The following SLC35F4 variants were observed in gnomAD, a reference collection of about 807,000 sequenced individuals.
SLC35F4 encodes the protein chromosome 14 open reading frame 36.
In SLC35F4, 24 loss-of-function variants were observed where a neutral mutation model predicts 44.2. That is an observed-to-expected ratio of 0.54 (90% CI 0.39 to 0.76). SLC35F4 has a LOEUF of 0.76. Ranked by LOEUF, SLC35F4 falls within the 30% of genes least tolerant of loss-of-function variation. The pLI, the probability that SLC35F4 is intolerant of heterozygous loss-of-function variation, is 0.00. For missense variants in SLC35F4, 562 were observed against 586.1 expected (o/e 0.96, Z 0.42); for synonymous variants, 238 against 223.6 (o/e 1.06, Z -0.57).
chr14:57,740,498 T>C (rs1349029484), intron 1 of SLC35F4, among the ~76,000 whole-genome samples: 1 of 152,118 alleles, frequency 6.6e-6, no homozygotes, highest in Admixed American at 6.6e-5. Context: ...GCTGGGAAGG[T>C]TATGGGGGAG....
chr14:57,589,846 G>A (rs965772739), intron 2 of SLC35F4, among the ~76,000 whole-genome samples: 10 of 152,242 alleles, frequency 6.6e-5, no homozygotes, highest in Admixed American at 1.3e-4. Context: ...CATGCCCTGC[G>A]CTTTCTATTG....
At chr14:57,920,542 C>A (rs1424240763) in intron 1 of SLC35F4, among the ~76,000 whole-genome samples, 1 of 152,140 alleles carries the variant, frequency 6.6e-6, no homozygotes, top group Non-Finnish European at 1.5e-5. Flanking sequence ...GATTGCACTG[C>A]AGCCTGGGCA....
chr14:57,797,493 C>T (rs921935284), intron 1 of SLC35F4, among the ~76,000 whole-genome samples: 10 of 152,148 alleles, frequency 6.6e-5, no homozygotes, highest in Non-Finnish European at 1.0e-4. Context: ...ATTCTTCTGC[C>T]AGTCACCTCA....
chr14:57,714,615 T>A (rs1162253271), intron 1 of SLC35F4, among the ~76,000 whole-genome samples: 1 of 151,642 alleles, frequency 6.6e-6, no homozygotes, highest in Non-Finnish European at 1.5e-5. Context: ...CCTGCCTGAG[T>A]GCATTCACTC....
At chr14:57,822,541 C>CT (rs1224888619) in intron 1 of SLC35F4, among the ~76,000 whole-genome samples, 1 of 151,890 alleles carries the variant, frequency 6.6e-6, no homozygotes, top group Non-Finnish European at 1.5e-5. Flanking sequence ...TTATTTTCTC[C>CT]TTTTTTTTCA....
intron 1 of SLC35F4, among the ~76,000 whole-genome samples, chr14:57,880,041 GAA>G: frequency 1.0e-3 from 1 of 956 alleles, no homozygotes; most frequent in Admixed American, 0.013. Context: ...AGGGAGGAAG[GAA>G]GGAAGGAAGG....
At chr14:57,655,198 C>A (rs188296937) in intron 1 of SLC35F4, among the ~76,000 whole-genome samples, 3 of 152,000 alleles carry the variant, frequency 2.0e-5, no homozygotes, top group Admixed American at 2.0e-4. Flanking sequence ...TCAGTCCTTC[C>A]TTTTTTTAAA....
intron 1 of SLC35F4, among the ~76,000 whole-genome samples, chr14:57,698,408 C>T (rs1312742908): frequency 6.6e-6 from 1 of 152,094 alleles, no homozygotes; most frequent in Non-Finnish European, 1.5e-5. Context: ...TGCTTTTGCC[C>T]AAGTCCCCAG....
Position 57,564,121 on chromosome 14 carries a change from A to G in SLC35F4, c.*14T>C. On this transcript the variant is annotated 3_prime_UTR_variant, in exon 8 of 8. Coordinates refer to ENST00000556826, the MANE Select transcript of SLC35F4 (RefSeq NM_001306087.2). ...CAGAATATACATACACGTGCATTCAAAATATGTCCCTCTCTAAGCCAGTGG... is the reference window on the plus strand; with the variant it reads ...CAGAATATACATACACGTGCATTCAGAATATGTCCCTCTCTAAGCCAGTGG... The G allele has an allele frequency of 1.2e-6, 2 of 1,613,198 alleles. No homozygotes were observed. Among genetic ancestry groups the G allele is most frequent in the Non-Finnish European group, 1.7e-6 (2 of 1,179,390 alleles).
At position 57,573,247 on chromosome 14, in the gene SLC35F4, T is replaced by C. The variant is rs576225516; in HGVS notation, c.808-1228A>G. Among the ~76,000 whole-genome samples the C allele has an allele frequency of 6.6e-5, 10 of 152,316 alleles. No individual in the cohort carries two copies. In the South Asian group the frequency reaches 1.7e-3, roughly 25 times the overall value. On this transcript the variant is annotated intron_variant, in intron 4 of 7. Transcript: ENST00000556826. The stretch of plus-strand genomic sequence containing the variant: ...GACGCTGCTAAAGCATGTCTTTTGT[T>C]AGTGGCCACCAAAAGCAAGGGCCCA...
In SLC35F4 at chr14:57,569,949, T is replaced by C. The variant is rs749935746; in HGVS notation, c.965A>G (p.Asn322Ser). Residue 322 changes from asparagine (N) to serine (S), a missense_variant, in exon 6 of 8, where the codon AAC (asparagine) becomes AGC (serine). Physicochemically the swap from Asn to Ser is conservative, Grantham distance 46. Coordinates refer to ENST00000556826, the MANE Select transcript of SLC35F4 (RefSeq NM_001306087.2). ...GACAAAGTGTGCAGCTTCCCCAAAG[T>C]TGGCACTTCCAAGAAACATTTTAAA... is the stretch of plus-strand genomic sequence containing the variant. ...VLFKMFLGSA[N>S]FGEAAHFVST... 2 of 1,609,804 alleles carry C rather than the reference T, an allele frequency of 1.2e-6. No individual in the cohort carries two copies. Among genetic ancestry groups the C allele is most frequent in the South Asian group, 1.1e-5 (1 of 89,852 alleles).
At chr14:57,570,199 T>C (rs978216637) in intron 5 of SLC35F4, among the ~76,000 whole-genome samples, 6 of 152,198 alleles carry the variant, frequency 3.9e-5, no homozygotes, top group African/African-American at 1.2e-4. Context: ...GAATTTCTTA[T>C]GGTGCTGAAA....
chr14:57,871,118 G>A (rs1465077019), intron 1 of SLC35F4, among the ~76,000 whole-genome samples: 1 of 152,204 alleles, frequency 6.6e-6, no homozygotes, highest in African/African-American at 2.4e-5. Context: ...CCCATGGGAG[G>A]CAGGCCCATT....
At chr14:57,576,850 G>A (rs1292284499) in intron 4 of SLC35F4, among the ~76,000 whole-genome samples, 1 of 152,186 alleles carries the variant, frequency 6.6e-6, no homozygotes, top group Non-Finnish European at 1.5e-5. Flanking sequence ...CACGAAGAAA[G>A]AGTGAAGGAT....
At chr14:57,877,279 G>A (rs1385238620) in intron 1 of SLC35F4, among the ~76,000 whole-genome samples, 1 of 152,120 alleles carries the variant, frequency 6.6e-6, no homozygotes, top group Non-Finnish European at 1.5e-5. Flanking sequence ...ATGTTCCTGT[G>A]TTAATTGACT....
chr14:57,756,928 T>C (rs570490719), intron 1 of SLC35F4, among the ~76,000 whole-genome samples: 5 of 152,156 alleles, frequency 3.3e-5, no homozygotes, highest in African/African-American at 9.6e-5. Flanking sequence ...TCCCAAAGTG[T>C]TGGGATTACA....
At chr14:57,944,341 C>T (rs2141074948) in intron 1 of SLC35F4, among the ~76,000 whole-genome samples, 1 of 152,310 alleles carries the variant, frequency 6.6e-6, no homozygotes, top group East Asian at 1.9e-4. Context: ...ACTCCTCCTA[C>T]ATTGAAAACA....
intron 1 of SLC35F4, among the ~76,000 whole-genome samples, chr14:57,611,266 A>AG (rs2071478940): frequency 6.6e-6 from 1 of 152,206 alleles, no homozygotes; most frequent in African/African-American, 2.4e-5. Flanking sequence ...ATCTGTTTTG[A>AG]GGGGGGATAT....
At chr14:57,587,318 G>C (rs572621653) in intron 3 of SLC35F4, among the ~76,000 whole-genome samples, 1 of 152,160 alleles carries the variant, frequency 6.6e-6, no homozygotes, top group African/African-American at 2.4e-5. Flanking sequence ...AAAGACACAC[G>C]CACACGTATG....
Sources: gnomAD v4.1 joint callset for allele counts (sites outside exome capture counted in the v4.1 genomes callset) on GRCh38, gnomAD v4.1.1 for gene constraint, MANE v1.5 for transcripts, NCBI Gene and HGNC (gene_info 2026-07-23, HGNC 2026-07-21) for gene names.